STAC: variants seen among roughly 807,000 people sequenced by gnomAD.
STAC encodes SH3 and cysteine-rich domain-containing protein.
STAC carries 43 observed loss-of-function variants against 48.8 expected under a neutral mutation model. The observed-to-expected ratio is 0.88, with a 90% CI of 0.69 to 1.14. The LOEUF is 1.14. Among genes scored for constraint, STAC ranks in the 50% most tolerant of loss-of-function variants. The pLI, the probability that STAC is intolerant of heterozygous loss-of-function variation, is 0.00. For missense variants in STAC, 497 were observed against 504.0 expected, an observed-to-expected ratio of 0.99 and a Z score of 0.13; for synonymous variants, 193 against 179.5, an observed-to-expected ratio of 1.07 and a Z score of -0.60.
intron 1 of STAC, among the ~76,000 whole-genome samples, chr3:36,411,690 T>C (rs1222166514): frequency 6.6e-6 from 1 of 152,220 alleles, no homozygotes; most frequent in South Asian, 2.1e-4. Context: ...CCCCAGGTTG[T>C]AGGTCCCCTA....
intron 1 of STAC, among the ~76,000 whole-genome samples, chr3:36,406,270 G>A (rs932512391): frequency 1.3e-5 from 2 of 152,180 alleles, no homozygotes; most frequent in Non-Finnish European, 2.9e-5. Flanking sequence ...AACAGGCCCT[G>A]GAAGACACCA....
intron 1 of STAC, among the ~76,000 whole-genome samples, chr3:36,415,661 C>T (rs765575590): frequency 6.6e-6 from 1 of 152,176 alleles, no homozygotes; most frequent in African/African-American, 2.4e-5. Context: ...GAGAGGAACC[C>T]GGTACCTCAG....
At chr3:36,439,211 G>T (rs1226335600) in intron 1 of STAC, among the ~76,000 whole-genome samples, 3 of 152,174 alleles carry the variant, frequency 2.0e-5, no homozygotes, top group Non-Finnish European at 2.9e-5. Flanking sequence ...ACCACCCTCA[G>T]CTTCCATTTC....
At chr3:36,481,798 T>A (rs1697654322) in intron 2 of STAC, among the ~76,000 whole-genome samples, 1 of 152,200 alleles carries the variant, frequency 6.6e-6, no homozygotes, top group Non-Finnish European at 1.5e-5. Flanking sequence ...CACCCACGTC[T>A]CTTATTTTTA....
chr3:36,480,169 C>A lies in STAC; in HGVS notation c.389-2823C>A, dbSNP rs539556499. Among the ~76,000 whole-genome samples the A allele has an allele frequency of 1.1e-3, 162 of 152,294 alleles. 1 individual carries two copies. The highest frequency in any genetic ancestry group is 3.4e-3 in the African/African-American group (140 of 41,562). On this transcript the variant is annotated intron_variant, in intron 2 of 10. Coordinates refer to ENST00000273183, the MANE Select transcript of STAC (RefSeq NM_003149.3). ...TTTGAAGCTTTTACTTAAATTCCCA[C>A]ATAGAGCACAAATAGCATTCTCTAA...
chr3:36,497,870 A>G (rs1165427614), intron 6 of STAC, among the ~76,000 whole-genome samples: 2 of 152,228 alleles, frequency 1.3e-5, no homozygotes, highest in African/African-American at 4.8e-5. Flanking sequence ...ATGAAATTTT[A>G]GTTTAATGTA....
At chr3:36,437,583 C>T (rs867942112) in intron 1 of STAC, among the ~76,000 whole-genome samples, 3,210 of 132,052 alleles carry the variant, frequency 0.024, 50 homozygotes, top group Middle Eastern at 0.029. Flanking sequence ...ACAATGAGAA[C>T]ACATGGACAC....
intron 1 of STAC, among the ~76,000 whole-genome samples, chr3:36,408,736 G>A (rs551585346): frequency 2.0e-5 from 3 of 152,268 alleles, no homozygotes; most frequent in Admixed American, 6.5e-5. Flanking sequence ...AATGAGGAAG[G>A]CAAAGTAAAA....
Position 36,395,298 on chromosome 3 carries a change from G to T in STAC, c.111+14544G>T, listed in dbSNP as rs1242102399. The stretch of plus-strand genomic sequence containing the variant: ...GAGGATAAGAGAAGTCACTAAGGTT[G>T]TAATAGTGAAGTGAAAGATGGATTG... On this transcript the variant is annotated intron_variant, in intron 1 of 10. Coordinates refer to ENST00000273183, the MANE Select transcript of STAC (RefSeq NM_003149.3). 2.0e-5 allele frequency among the ~76,000 whole-genome samples: 3 copies of T among 152,212 alleles called. No homozygotes were observed. The East Asian group carries it at 5.8e-4, about 29-fold the overall frequency.
chr3:36,461,213 A>G (rs1223220250), intron 2 of STAC, among the ~76,000 whole-genome samples: 2 of 152,236 alleles, frequency 1.3e-5, no homozygotes, highest in African/African-American at 4.8e-5. Context: ...TGATATTTCA[A>G]CTCGAATTCT....
At chr3:36,423,726 A>G (rs1700499965) in intron 1 of STAC, among the ~76,000 whole-genome samples, 1 of 152,078 alleles carries the variant, frequency 6.6e-6, no homozygotes, top group African/African-American at 2.4e-5. Flanking sequence ...TATTAATATT[A>G]TAGGATGTAA....
At chr3:36,444,018 T>C (rs1696435917) in intron 2 of STAC, among the ~76,000 whole-genome samples, 2 of 152,170 alleles carry the variant, frequency 1.3e-5, no homozygotes, top group African/African-American at 4.8e-5. Context: ...AAAAAGCCGA[T>C]GTCTGTCATA....
chr3:36,528,640 A>T, intron 8 of STAC, 56 bp from the exon 9 acceptor site: 1 of 1,386,596 alleles, frequency 7.2e-7, no homozygotes, highest in Non-Finnish European at 9.9e-7. Context: ...CTGACTTTAA[A>T]GTATGTTATT....
intron 1 of STAC, among the ~76,000 whole-genome samples, chr3:36,413,080 G>A (rs1368190660): frequency 6.6e-6 from 1 of 152,190 alleles, no homozygotes; most frequent in Non-Finnish European, 1.5e-5. Context: ...TTGCTGAGGA[G>A]TGCTTTACTT....
rs1270623545 is a variant in STAC, at chr3:36,443,635, T to C, written c.383T>C (p.Ile128Thr). The C allele has an allele frequency of 3.1e-6, 5 of 1,610,860 alleles. No homozygotes were observed. The highest frequency in any genetic ancestry group is 4.2e-6 in the Non-Finnish European group (5 of 1,179,952). Residue 128 changes from isoleucine to threonine, a missense_variant, in exon 2 of 11, where the codon ATA becomes ACA. By Grantham distance (89) the Ile-to-Thr change is moderately conservative. Coordinates refer to ENST00000273183, the MANE Select transcript of STAC (RefSeq NM_003149.3). This position sits in a 1 kb window ranked among gnomAD's most constrained non-coding sequence, Gnocchi z 4.2. ...PTFCDVCNHM[I>T]VGTNAKHGLR... The stretch of plus-strand genomic sequence containing the variant: ...TTCTGTGATGTCTGCAACCACATGA[T>C]AGTGGGTAAGGCCTCCCACCCCTTT...
At chr3:36,500,300 ATGGATGGAGC>A (rs1638794386) in intron 6 of STAC, among the ~76,000 whole-genome samples, 1 of 152,220 alleles carries the variant, frequency 6.6e-6, no homozygotes, top group African/African-American at 2.4e-5. Context: ...TTGCAGGAAC[ATGGATGGAGC>A]TAGAAGCCAT....
At position 36,546,205 on chromosome 3, in the gene STAC, TGAA is replaced by T. The variant is rs764689956; in HGVS notation, c.1132_1134del (p.Glu378del). 3.7e-6 allele frequency: 6 copies of T among 1,613,920 alleles called. No homozygotes were observed. The highest frequency in any genetic ancestry group is 5.1e-6 in the Non-Finnish European group (6 of 1,179,930). ...TTGGCATTCAGATCTGCGTGAGTTC[TGAA>T]GAAGAACAAGATGGTTTTATCAGAG... On this transcript the variant is annotated inframe_deletion, in exon 11 of 11. Coordinates refer to ENST00000273183, the MANE Select transcript of STAC (RefSeq NM_003149.3).
intron 5 of STAC, among the ~76,000 whole-genome samples, chr3:36,491,775 A>G (rs1330539327): frequency 2.6e-5 from 4 of 151,356 alleles, no homozygotes; most frequent in Non-Finnish European, 4.4e-5. Flanking sequence ...GCACTTTGGG[A>G]GGCTGAGGCA....
At chr3:36,421,153 C>T (rs1238782544) in intron 1 of STAC, among the ~76,000 whole-genome samples, 2 of 152,130 alleles carry the variant, frequency 1.3e-5, no homozygotes, top group South Asian at 4.1e-4. Flanking sequence ...TATTATAATT[C>T]AGTTCCACTT....
Sources: gnomAD v4.1 joint callset for allele counts (sites outside exome capture counted in the v4.1 genomes callset) on GRCh38, gnomAD v4.1.1 for gene constraint, Gnocchi (gnomAD v3.1) non-coding constraint, MANE v1.5 for transcripts, NCBI Gene and HGNC (gene_info 2026-07-23, HGNC 2026-07-21) for gene names.